Variants in HPSE2 observed in about 807,000 individuals in gnomAD.
The protein encoded by HPSE2 is heparanase 2 (inactive), also known as inactive heparanase-2.
In HPSE2, 38 loss-of-function variants were observed where a neutral mutation model predicts 60.5. The observed-to-expected ratio is 0.63, with a 90% CI of 0.48 to 0.82. The LOEUF is 0.82. Ranked by LOEUF, HPSE2 falls within the 40% of genes least tolerant of loss-of-function variation. The probability of loss-of-function intolerance (pLI) is 0.00; values close to 1 mark genes in which losing one functional copy is unlikely to be tolerated. For synonymous variants in HPSE2, 295 were observed against 293.2 expected, an observed-to-expected ratio of 1.01 and a Z score of -0.06; for missense variants, 713 against 740.4, an observed-to-expected ratio of 0.96 and a Z score of 0.43.
chr10:98,843,958 C>T (rs1057344103), intron 3 of HPSE2, among the ~76,000 whole-genome samples: 7 of 152,190 alleles, frequency 4.6e-5, no homozygotes, highest in African/African-American at 1.2e-4. Context: ...TGATTAAAGA[C>T]TGATTCTCTT....
At chr10:98,793,103 T>C (rs10786470) in intron 3 of HPSE2, among the ~76,000 whole-genome samples, 110,185 of 152,106 alleles carry the variant, frequency 0.72, 41,036 homozygotes, top group Non-Finnish European at 0.83. Flanking sequence ...ACTGCTTCTA[T>C]CTCAGGGATG....
rs959381004 is a variant in HPSE2 at position 98,696,793 on chromosome 10, G to C, written c.957-2846C>G. On this transcript the variant is annotated intron_variant, in intron 5 of 11. Coordinates refer to ENST00000370552, the MANE Select transcript of HPSE2 (RefSeq NM_021828.5). The stretch of plus-strand genomic sequence containing the variant: ...GCCTAACACACTAAGCTCCCAGGGT[G>C]GGGGAAGGCCGGCAGCCATCTCTAC... Among the ~76,000 whole-genome samples the C allele has an allele frequency of 9.2e-5, 14 of 152,284 alleles. No homozygotes were observed. The South Asian group carries it at 1.2e-3, about 14-fold the overall frequency.
At chr10:98,609,725 T>A (rs1009265565) in intron 9 of HPSE2, among the ~76,000 whole-genome samples, 1 of 151,912 alleles carries the variant, frequency 6.6e-6, no homozygotes, top group Non-Finnish European at 1.5e-5. Flanking sequence ...AATACCAAGA[T>A]ACACATCTAA....
At chr10:99,118,911 G>T (rs143184890) in intron 3 of HPSE2, among the ~76,000 whole-genome samples, 1 of 151,934 alleles carries the variant, frequency 6.6e-6, no homozygotes, top group Non-Finnish European at 1.5e-5. Flanking sequence ...CAGCTACTTG[G>T]GAGATGAGGC....
intron 3 of HPSE2, among the ~76,000 whole-genome samples, chr10:99,063,316 A>G (rs1327751987): frequency 1.3e-5 from 2 of 152,118 alleles, no homozygotes; most frequent in African/African-American, 2.4e-5. Flanking sequence ...TATGAAAAAT[A>G]CAAACAACAC....
At chr10:98,848,780 C>T (rs1414784793) in intron 3 of HPSE2, among the ~76,000 whole-genome samples, 2 of 152,260 alleles carry the variant, frequency 1.3e-5, no homozygotes, top group East Asian at 3.9e-4. Context: ...AACTCAACCA[C>T]GATGAAAAAG....
chr10:98,741,008 C>T (rs1225438454), intron 4 of HPSE2, among the ~76,000 whole-genome samples: 1 of 151,896 alleles, frequency 6.6e-6, no homozygotes, highest in Admixed American at 6.6e-5. Context: ...AGAGAAACAG[C>T]AAAATAAATC....
chr10:99,132,142 AAAGG>A (rs1564832296), intron 3 of HPSE2, among the ~76,000 whole-genome samples: 3 of 31,964 alleles, frequency 9.4e-5, no homozygotes, highest in Non-Finnish European at 3.6e-4. Context: ...GGAAAGAAAG[AAAGG>A]AAGAAAGAAA....
intron 3 of HPSE2, among the ~76,000 whole-genome samples, chr10:98,984,591 T>C (rs1314635312): frequency 6.6e-6 from 1 of 152,152 alleles, no homozygotes; most frequent in Non-Finnish European, 1.5e-5. Flanking sequence ...GTGCCTCTCC[T>C]CCTACAAAGG....
chr10:99,041,144 AC>A (rs1957730947), intron 3 of HPSE2, among the ~76,000 whole-genome samples: 1 of 152,142 alleles, frequency 6.6e-6, no homozygotes, highest in Admixed American at 6.5e-5. Context: ...AAATGTCACA[AC>A]CTTTTTTATG....
intron 3 of HPSE2, among the ~76,000 whole-genome samples, chr10:99,063,388 G>T: frequency 6.6e-6 from 1 of 151,620 alleles, no homozygotes; most frequent in Non-Finnish European, 1.5e-5. Flanking sequence ...AATGCCAGAG[G>T]CTCCATCTCA....
intron 9 of HPSE2, among the ~76,000 whole-genome samples, chr10:98,614,484 G>C (rs1192675411): frequency 6.6e-6 from 1 of 151,964 alleles, no homozygotes; most frequent in Non-Finnish European, 1.5e-5. Context: ...AGTGGAGACG[G>C]GGTTTCACCA....
At chr10:99,302,951 C>T in the HPSE2 span, among the ~76,000 whole-genome samples, 1 of 151,232 alleles carries the variant, frequency 6.6e-6, no homozygotes. Flanking sequence ...TAGACACTTT[C>T]ATTAGGTGGA....
intron 3 of HPSE2, among the ~76,000 whole-genome samples, chr10:99,093,449 T>C (rs373203849): frequency 6.6e-6 from 1 of 152,124 alleles, no homozygotes; most frequent in African/African-American, 2.4e-5. Flanking sequence ...TCTGAGACTG[T>C]TTTGCACTCC....
chr10:99,285,254 C>T, the HPSE2 span, among the ~76,000 whole-genome samples: 1 of 150,908 alleles, frequency 6.6e-6, no homozygotes, highest in African/African-American at 2.4e-5. Flanking sequence ...ATGGTGAGAC[C>T]CCTGTCTCTA....
intron 3 of HPSE2, among the ~76,000 whole-genome samples, chr10:98,812,103 T>G (rs980257472): frequency 6.6e-6 from 1 of 152,184 alleles, no homozygotes; most frequent in Non-Finnish European, 1.5e-5. Flanking sequence ...ATTTGATTTG[T>G]GTGGTTCTTT....
chr10:98,978,121 T>C (rs1300203906), intron 3 of HPSE2, among the ~76,000 whole-genome samples: 1 of 152,154 alleles, frequency 6.6e-6, no homozygotes, highest in Non-Finnish European at 1.5e-5. Flanking sequence ...CAGCCTGAGA[T>C]TTTAATCACT....
At chr10:99,244,339 C>T in the HPSE2 span, among the ~76,000 whole-genome samples, 1 of 150,694 alleles carries the variant, frequency 6.6e-6, no homozygotes, top group Non-Finnish European at 1.5e-5. Context: ...TTCTTTTGTT[C>T]TCTAGGCTAA....
chr10:98,547,548 C>T (rs1320024614), intron 9 of HPSE2, among the ~76,000 whole-genome samples: 3 of 146,560 alleles, frequency 2.0e-5, no homozygotes, highest in South Asian at 2.3e-4. Flanking sequence ...AGTAAACTAT[C>T]GCAAGGACAA....
Sources: allele counts gnomAD v4.1 joint callset (sites outside exome capture counted in the v4.1 genomes callset), GRCh38; gene constraint gnomAD v4.1.1; transcripts MANE v1.5; gene names NCBI Gene and HGNC (gene_info 2026-07-23, HGNC 2026-07-21).